The following EIF4ENIF1 variants were observed in gnomAD, a reference collection of about 807,000 sequenced individuals.
EIF4ENIF1 encodes eukaryotic translation initiation factor 4E transporter.
Under a neutral mutation model 110.5 loss-of-function variants are expected in EIF4ENIF1, and 23 were observed. That is an observed-to-expected ratio of 0.21 (90% confidence interval 0.15 to 0.29). The LOEUF is 0.29. Ranked by LOEUF, EIF4ENIF1 falls within the 10% of genes least tolerant of loss-of-function variation. The pLI is 1.00. For synonymous variants in EIF4ENIF1, 440 were observed against 437.0 expected (o/e 1.01, Z -0.09); for missense variants, 1,031 against 1,221.1 (o/e 0.84, Z 2.32).
In EIF4ENIF1 at chr22:31,464,675, C is replaced by CAAAAA. The variant is rs770904708; in HGVS notation, c.299-713_299-709dup. ...TGGGCAAAAGACTAAGATTCAGTCT[C>CAAAAA]AAAAAAAAAAAAAAAAAAAAAAAAA... On this transcript the variant is annotated intron_variant, in intron 4 of 18. Coordinates refer to ENST00000330125, the MANE Select transcript of EIF4ENIF1 (RefSeq NM_019843.4). 6.0e-3 allele frequency among the ~76,000 whole-genome samples: 184 copies of CAAAAA among 30,872 alleles called. 32 individuals are homozygous for CAAAAA. The highest frequency in any genetic ancestry group is 0.026 in the African/African-American group (73 of 2,848). 20.3% of individuals were successfully genotyped at this position (30,872 alleles called of 152,430 possible). A position where few individuals can be genotyped will look rare whatever the true frequency, so the allele number is the denominator to read the frequency against.
intron 9 of EIF4ENIF1, 58 bp downstream of exon 9, chr22:31,455,078 G>T: frequency 6.8e-7 from 1 of 1,461,096 alleles, no homozygotes; most frequent in East Asian, 2.3e-5. Flanking sequence ...CCAACTGCCT[G>T]AAGACTGAAC....
At chr22:31,473,268 GGA>G (rs1229604934) in intron 2 of EIF4ENIF1, among the ~76,000 whole-genome samples, 1 of 152,116 alleles carries the variant, frequency 6.6e-6, no homozygotes, top group Non-Finnish European at 1.5e-5. Flanking sequence ...GGTATGCACA[GGA>G]GAGAGGCTAA....
chr22:31,450,162 T>G, intron 11 of EIF4ENIF1, 127 bp downstream of exon 11: 1 of 728,396 alleles, frequency 1.4e-6, no homozygotes, highest in Non-Finnish European at 2.4e-6. Flanking sequence ...CAGGCAACAA[T>G]ATCACCTCTC....
intron 4 of EIF4ENIF1, among the ~76,000 whole-genome samples, chr22:31,464,693 A>T (rs1207789015): frequency 0.014 from 729 of 52,700 alleles, 23 homozygotes; most frequent in Non-Finnish European, 0.021. Flanking sequence ...AAAAAAAAAA[A>T]AAAAAAATAT....
intron 17 of EIF4ENIF1, 143 bp downstream of exon 17, chr22:31,441,631 C>T (rs1448987077): frequency 6.0e-6 from 4 of 662,512 alleles, no homozygotes; most frequent in Non-Finnish European, 1.0e-5. Flanking sequence ...CTGGATTGGG[C>T]CCACTGCCTG....
At chr22:31,440,162 G>A in intron 18 of EIF4ENIF1, 41 bp from the exon 19 acceptor site, 1 of 1,613,792 alleles carries the variant, frequency 6.2e-7, no homozygotes, top group Non-Finnish European at 8.5e-7. Flanking sequence ...GCATGAGAAG[G>A]AAAGTTTATT....
upstream of EIF4ENIF1, among the ~76,000 whole-genome samples, chr22:31,493,037 T>C (rs538367508): frequency 2.0e-5 from 3 of 151,870 alleles, no homozygotes; most frequent in East Asian, 5.8e-4. Flanking sequence ...GCCTGATAAT[T>C]TGTAATTTTT....
chr22:31,447,500 T>C lies in EIF4ENIF1; in HGVS notation c.1914A>G (p.Val638=). The change falls in exon 14 of 19, where the codon GTA becomes GTG. Residue 638 remains valine (V), a synonymous_variant. Transcript: ENST00000330125. ...CAGGCTGGTAGAAGTTTGCTGCCTG[T>C]ACAGCAAGGTCATGTGGCAAGGCCA... is the stretch of plus-strand genomic sequence containing the variant. ...EGLALPHDLA[V]QAANFYQPGF... The C allele has an allele frequency of 6.2e-7, 1 of 1,613,136 alleles. No homozygotes were observed. Among genetic ancestry groups the C allele is most frequent in the Non-Finnish European group, 8.5e-7 (1 of 1,179,668 alleles).
downstream of EIF4ENIF1, among the ~76,000 whole-genome samples, chr22:31,438,621 G>A (rs970789723): frequency 7.9e-5 from 12 of 152,160 alleles, no homozygotes; most frequent in Admixed American, 3.3e-4. Flanking sequence ...ACAAGGCTAT[G>A]CTATCTATAG....
intron 6 of EIF4ENIF1, chr22:31,461,629 C>CA (rs1337708536): frequency 6.6e-6 from 1 of 152,272 alleles, no homozygotes; most frequent in African/African-American, 2.4e-5. Flanking sequence ...GACAGGGTTT[C>CA]ACCATGTTGG....
rs2050894504 is a variant in EIF4ENIF1 at position 31,458,475 on chromosome 22, C to T, written c.963G>A (p.Ser321=). The T allele has an allele frequency of 3.8e-6, 6 of 1,585,274 alleles. No homozygotes were observed. The highest frequency in any genetic ancestry group is 2.3e-5 in the South Asian group (2 of 87,588). ...FNLDKVPCLA[S]MIEDVLGEGS... is the part of the protein sequence containing the mutation. Reference sequence around the variant, plus strand: ...TTTTTAAGTGTGCTGCTACACTCACCGAAGCCAAGCATGGCACCTTATCAA... The same window carrying T: ...TTTTTAAGTGTGCTGCTACACTCACTGAAGCCAAGCATGGCACCTTATCAA... Residue 321 remains serine, a splice_region_variant and synonymous_variant, in exon 7 of 19, where the codon TCG becomes TCA. Coordinates refer to ENST00000330125, the MANE Select transcript of EIF4ENIF1 (RefSeq NM_019843.4).
rs2050233844 is a variant in EIF4ENIF1, at chr22:31,439,737, A to G, written c.*143T>C. The G allele has an allele frequency of 8.5e-7, 1 of 1,181,406 alleles. No individual in the cohort carries two copies. Among genetic ancestry groups the G allele is most frequent in the Non-Finnish European group, 1.2e-6 (1 of 860,184 alleles). The allele number at this position is 1,181,406 out of a possible 1,614,324, so 73.2% of individuals were successfully genotyped here. On this transcript the variant is annotated 3_prime_UTR_variant, in exon 19 of 19. Coordinates refer to ENST00000330125, the MANE Select transcript of EIF4ENIF1 (RefSeq NM_019843.4). ...TTAAGATCCTTCCATCATAATGCGG[A>G]CCACACCAGATGCATGGGTTCCACC...
At chr22:31,475,973 G>A (rs541914272) in intron 2 of EIF4ENIF1, among the ~76,000 whole-genome samples, 2 of 151,984 alleles carry the variant, frequency 1.3e-5, no homozygotes, top group African/African-American at 2.4e-5. Context: ...GGTTCAGGGA[G>A]GATGGAGCAA....
At chr22:31,491,832 C>G (rs192377983), upstream of EIF4ENIF1, among the ~76,000 whole-genome samples, 154 of 152,314 alleles carry the variant, frequency 1.0e-3, no homozygotes, top group Non-Finnish European at 1.9e-3. Flanking sequence ...CATGAGCCAC[C>G]ACACCTGAGC....
At chr22:31,488,588 A>G in intron 2 of EIF4ENIF1, 35 bp downstream of exon 2, 1 of 1,613,974 alleles carries the variant, frequency 6.2e-7, no homozygotes, top group Non-Finnish European at 8.5e-7. Flanking sequence ...TCGCCACCTA[A>G]AAAGAAACAC....
intron 16 of EIF4ENIF1, 150 bp downstream of exon 16, chr22:31,442,812 G>A (rs550288902): frequency 9.3e-7 from 1 of 1,074,170 alleles, no homozygotes; most frequent in East Asian, 2.5e-5. Context: ...CTGTCACACA[G>A]AACCTTCTCA....
In EIF4ENIF1 at chr22:31,449,311, T is replaced by C. The variant is rs746641106; in HGVS notation, c.1768+37A>G. ...AGGCATGAGCTACCGTGCCTGGCCA[T>C]AAATTCATATTTCTTTTGACAAATA... On this transcript the variant is annotated intron_variant, in intron 12 of 18. Transcript: ENST00000330125. The C allele has an allele frequency of 1.9e-6, 3 of 1,600,650 alleles. No homozygotes were observed. In the East Asian group the frequency reaches 6.7e-5, roughly 36 times the overall value.
chr22:31,438,633 G>A (rs181423026), downstream of EIF4ENIF1, among the ~76,000 whole-genome samples: 21 of 152,254 alleles, frequency 1.4e-4, no homozygotes, highest in Admixed American at 2.6e-4. Context: ...TATCTATAGG[G>A]TCAGTCCAGT....
chr22:31,439,009 A>G (rs1380762804), downstream of EIF4ENIF1, among the ~76,000 whole-genome samples: 1 of 152,196 alleles, frequency 6.6e-6, no homozygotes, highest in Non-Finnish European at 1.5e-5. Context: ...CGTGAGCCAC[A>G]GTGCCCAATT....
Sources: allele counts gnomAD v4.1 joint callset (sites outside exome capture counted in the v4.1 genomes callset), GRCh38; gene constraint gnomAD v4.1.1; transcripts MANE v1.5; gene names NCBI Gene and HGNC (gene_info 2026-07-23, HGNC 2026-07-21).